VRK2: variants seen among roughly 807,000 people sequenced by gnomAD.
VRK2 encodes VRK serine/threonine kinase 2.
In VRK2, 60 loss-of-function variants were observed where a neutral mutation model predicts 57.6. The ratio of observed to expected loss-of-function variants is 1.04; its 90% CI spans 0.85 to 1.29. VRK2 has a LOEUF of 1.29. VRK2 is among the 50% of genes most tolerant of loss of function. VRK2 has a pLI of 0.00. For synonymous variants in VRK2, 231 were observed against 199.2 expected (o/e 1.16, Z -1.35); for missense variants, 705 against 588.1 (o/e 1.20, Z -2.06).
At chr2:57,948,140 C>G (rs991125832) in intron 1 of VRK2, among the ~76,000 whole-genome samples, 1 of 152,126 alleles carries the variant, frequency 6.6e-6, no homozygotes, top group African/African-American at 2.4e-5. Context: ...TACTCAAATT[C>G]TTTTTAAACT....
intron 1 of VRK2, among the ~76,000 whole-genome samples, chr2:57,999,980 C>G (rs1673043016): frequency 6.6e-6 from 1 of 152,066 alleles, no homozygotes; most frequent in African/African-American, 2.4e-5. Flanking sequence ...TCCATCTCTA[C>G]AAAAATTTAA....
chr2:58,096,998 G>A (rs545804923), intron 7 of VRK2, among the ~76,000 whole-genome samples: 54 of 151,870 alleles, frequency 3.6e-4, no homozygotes, highest in Non-Finnish European at 6.3e-4. Flanking sequence ...TTAATGCCTA[G>A]ACTTATCACA....
Position 58,113,307 on chromosome 2 carries a change from C to T in VRK2, c.544-9794C>T, listed in dbSNP as rs376439556. Among the ~76,000 whole-genome samples, 770 of 142,808 alleles carry T rather than the reference C, an allele frequency of 5.4e-3. 10 individuals carry two copies. The highest frequency in any genetic ancestry group is 0.019 in the African/African-American group (684 of 35,678). 93.7% of individuals were successfully genotyped at this position (142,808 alleles called of 152,430 possible). A position where few individuals can be genotyped will look rare whatever the true frequency, so the allele number is the denominator to read the frequency against. On this transcript the variant is annotated intron_variant, in intron 7 of 12. Coordinates refer to ENST00000340157, the MANE Select transcript of VRK2 (RefSeq NM_006296.7). The stretch of plus-strand genomic sequence containing the variant: ...TACCTGGGCAACAGGAGCGAAACTC[C>T]GTCTCAAAAAAAAAAAAAAAAAAGA...
intron 1 of VRK2, among the ~76,000 whole-genome samples, chr2:57,933,705 G>A (rs531760770): frequency 6.6e-6 from 1 of 151,784 alleles, no homozygotes; most frequent in African/African-American, 2.4e-5. Context: ...TCTTTTGATG[G>A]GCAAATATAA....
At chr2:58,050,562 GTAT>G (rs1675560919) in intron 2 of VRK2, among the ~76,000 whole-genome samples, 1 of 152,074 alleles carries the variant, frequency 6.6e-6, no homozygotes, top group Non-Finnish European at 1.5e-5. Flanking sequence ...TCTAATATTT[GTAT>G]TATTTGAGTA....
intron 7 of VRK2, among the ~76,000 whole-genome samples, chr2:58,120,706 TTTC>T (rs1030561491): frequency 6.6e-5 from 10 of 152,312 alleles, no homozygotes; most frequent in African/African-American, 2.4e-4. Context: ...TAAAAATTCT[TTTC>T]TTTCCCTTTG....
chr2:58,113,832 C>T (rs756532205), intron 7 of VRK2, among the ~76,000 whole-genome samples: 20 of 152,132 alleles, frequency 1.3e-4, no homozygotes, highest in South Asian at 6.2e-4. Context: ...GGGGATGCGA[C>T]GGCTTGGCTT....
intron 1 of VRK2, among the ~76,000 whole-genome samples, chr2:57,995,078 T>C (rs1184113739): frequency 2.0e-5 from 3 of 152,218 alleles, no homozygotes; most frequent in Non-Finnish European, 4.4e-5. Flanking sequence ...TCTTCTTTGG[T>C]ACTACAATGA....
intron 1 of VRK2, among the ~76,000 whole-genome samples, chr2:57,932,778 G>A (rs145550713): frequency 7.6e-4 from 116 of 152,044 alleles, no homozygotes; most frequent in African/African-American, 2.6e-3. Flanking sequence ...GGTGTAAACT[G>A]AAGTTTTTAT....
chr2:58,092,016 A>G (rs1440007534), intron 7 of VRK2, among the ~76,000 whole-genome samples: 2 of 152,224 alleles, frequency 1.3e-5, no homozygotes, highest in Non-Finnish European at 2.9e-5. Context: ...ATACTTTTCA[A>G]AGATTAGGTT....
chr2:58,108,522 T>C (rs1025755), intron 7 of VRK2, among the ~76,000 whole-genome samples: 8,818 of 152,160 alleles, frequency 0.058, 876 homozygotes, highest in African/African-American at 0.2. Flanking sequence ...TTCTTTCTTT[T>C]TTTTTCCTGG....
intron 4 of VRK2, among the ~76,000 whole-genome samples, chr2:58,085,920 CT>C (rs1249303592): frequency 1.8e-5 from 2 of 113,796 alleles, no homozygotes; most frequent in East Asian, 2.6e-4. Context: ...CCAATTTCTG[CT>C]TTTTTTTTCT....
intron 2 of VRK2, among the ~76,000 whole-genome samples, chr2:58,056,392 T>C (rs1351787079): frequency 6.6e-6 from 1 of 152,180 alleles, no homozygotes; most frequent in Non-Finnish European, 1.5e-5. Context: ...TCTGTCAGAC[T>C]GCAGGAGAGT....
intron 1 of VRK2, among the ~76,000 whole-genome samples, chr2:57,957,601 G>GAT (rs1380262043): frequency 2.1e-5 from 3 of 146,128 alleles, no homozygotes; most frequent in East Asian, 3.9e-4. Flanking sequence ...ACTATATGTA[G>GAT]ATATATATAC....
intron 3 of VRK2, among the ~76,000 whole-genome samples, chr2:58,037,018 A>T (rs1674298180): frequency 6.6e-6 from 1 of 151,856 alleles, no homozygotes; most frequent in African/African-American, 2.4e-5. Context: ...TACTCACTGT[A>T]GTCTTGTCCT....
Position 58,139,689 on chromosome 2 carries a change from T to C in VRK2, c.880T>C (p.Cys294Arg). 1 of 1,611,450 alleles carries C rather than the reference T, an allele frequency of 6.2e-7. No individual in the cohort carries two copies. The highest frequency in any genetic ancestry group is 8.5e-7 in the Non-Finnish European group (1 of 1,178,924). Residue 294 changes from cysteine (C) to arginine (R), a missense_variant, in exon 11 of 13, where the codon TGT becomes CGT. Transcript: ENST00000340157. Reference sequence around the variant, plus strand: ...AGGTGAAATAGCCCAATTTTTGGTATGTGCTCATAGTTTAGCATATGATGA... The same window carrying C: ...AGGTGAAATAGCCCAATTTTTGGTACGTGCTCATAGTTTAGCATATGATGA... ...SCCEIAQFLV[C>R]AHSLAYDEKP...
intron 7 of VRK2, among the ~76,000 whole-genome samples, chr2:58,109,253 A>T (rs564843801): frequency 2.6e-5 from 4 of 152,324 alleles, no homozygotes; most frequent in African/African-American, 9.6e-5. Context: ...ATATGACATT[A>T]TCCCAGTCCC....
chr2:58,035,639 T>A (rs1674251459), intron 3 of VRK2, among the ~76,000 whole-genome samples: 1 of 152,058 alleles, frequency 6.6e-6, no homozygotes, highest in African/African-American at 2.4e-5. Context: ...GAATGTTCAT[T>A]ACCCTTATCC....
intron 2 of VRK2, among the ~76,000 whole-genome samples, chr2:58,078,889 G>A (rs1350194496): frequency 6.6e-6 from 1 of 152,000 alleles, no homozygotes; most frequent in East Asian, 1.9e-4. Context: ...GCCCAAACTG[G>A]TCTTAAACTC....
Sources: allele counts gnomAD v4.1 joint callset (sites outside exome capture counted in the v4.1 genomes callset), GRCh38; gene constraint gnomAD v4.1.1; transcripts MANE v1.5; gene names NCBI Gene and HGNC (gene_info 2026-07-23, HGNC 2026-07-21).